The following IZUMO2 variants were observed in gnomAD, a reference collection of about 807,000 sequenced individuals.
The protein encoded by IZUMO2 is izumo sperm-egg fusion protein 2.
In IZUMO2, 24 loss-of-function variants were observed where a neutral mutation model predicts 31.2. The ratio of observed to expected loss-of-function variants is 0.77; its 90% confidence interval spans 0.56 to 1.08. The LOEUF is 1.08. Among genes scored for constraint, IZUMO2 ranks in the 50% least tolerant of loss-of-function variants. IZUMO2 has a pLI of 0.00. For synonymous variants in IZUMO2, 144 were observed against 117.3 expected, an observed-to-expected ratio of 1.23 and a Z score of -1.47; for missense variants, 278 against 274.0, an observed-to-expected ratio of 1.01 and a Z score of -0.10.
At chr19:50,162,621 GAA>G (rs199972252) in intron 2 of IZUMO2, 116 bp downstream of exon 2, 8 of 750,650 alleles carry the variant, frequency 1.1e-5, no homozygotes, top group Non-Finnish European at 1.5e-5. Flanking sequence ...TCTTAAAAAA[GAA>G]AAAAAAAAGG....
Position 50,152,584 on chromosome 19 carries a change from T to C in IZUMO2, c.*25A>G, listed in dbSNP as rs890047280. On this transcript the variant is annotated 3_prime_UTR_variant, in exon 7 of 7. Transcript: ENST00000293405. Reference sequence around the variant, plus strand: ...CCAATTTTATTAAATTTATTTTCCTTTCTCCTTACCCCCAAACCACCGTCC... The same window carrying C: ...CCAATTTTATTAAATTTATTTTCCTCTCTCCTTACCCCCAAACCACCGTCC... The C allele has an allele frequency of 4.4e-6, 7 of 1,602,274 alleles. No individual in the cohort carries two copies. In the Admixed American group the frequency reaches 5.0e-5, roughly 11 times the overall value.
At chr19:50,153,263 C>G (rs1308360208) in intron 6 of IZUMO2, among the ~76,000 whole-genome samples, 2 of 152,212 alleles carry the variant, frequency 1.3e-5, no homozygotes, top group African/African-American at 2.4e-5. Flanking sequence ...GGTGGATTCA[C>G]TCTCAGAGGC....
intron 2 of IZUMO2, among the ~76,000 whole-genome samples, chr19:50,161,345 C>T (rs1463398469): frequency 2.0e-5 from 3 of 151,966 alleles, no homozygotes; most frequent in Non-Finnish European, 4.4e-5. Context: ...TGGTCTTGAA[C>T]TCCCAACCTC....
At position 50,163,226 on chromosome 19, in the gene IZUMO2, C is replaced by G; in HGVS notation, c.-32G>C. On this transcript the variant is annotated 5_prime_UTR_variant, in exon 1 of 7. Coordinates refer to ENST00000293405, the MANE Select transcript of IZUMO2 (RefSeq NM_152358.3). ...GCCTTTGTGACGTCACAGAGAGAAC[C>G]CGGCCCGCCCCGCCTCCCAGGCGAG... 1 of 1,504,050 alleles carries G rather than the reference C, an allele frequency of 6.6e-7. No individual in the cohort carries two copies. Among genetic ancestry groups the G allele is most frequent in the African/African-American group, 1.4e-5 (1 of 71,744 alleles). The allele number at this position is 1,504,050 out of a possible 1,614,324, so 93.2% of individuals were successfully genotyped here. A position where few individuals can be genotyped will look rare whatever the true frequency, so the allele number is the denominator to read the frequency against.
chr19:50,152,628 C>G lies in IZUMO2; in HGVS notation c.647G>C (p.Arg216Pro). Residue 216 changes from arginine (R) to proline (P), a missense_variant, in exon 7 of 7, where the codon CGA becomes CCA. Transcript: ENST00000293405. ...VVSACTYRQN[R>P]KLLLQ ...ACCGTCCTACTGCAGCAGGAGTTTT[C>G]GGTTTTGTCTGTATGTACAAGCCCT... is the stretch of plus-strand genomic sequence containing the variant. 1 of 1,613,460 alleles carries G rather than the reference C, an allele frequency of 6.2e-7. No homozygotes were observed. The highest frequency in any genetic ancestry group is 8.5e-7 in the Non-Finnish European group (1 of 1,179,424).
Position 50,156,613 on chromosome 19 carries a change from A to C in IZUMO2, c.496+1655T>G, listed in dbSNP as rs562878027. ...CAATGTCATGGAGGGAAAAAAAAAA[A>C]CCCAAAAACTGATAAGAGAAACTGT... On this transcript the variant is annotated intron_variant, in intron 5 of 6. Coordinates refer to ENST00000293405, the MANE Select transcript of IZUMO2 (RefSeq NM_152358.3). Among the ~76,000 whole-genome samples, 37 of 151,722 alleles carry C rather than the reference A, an allele frequency of 2.4e-4. No individual in the cohort carries two copies. The South Asian group carries it at 3.5e-3, about 15-fold the overall frequency.
intron 5 of IZUMO2, among the ~76,000 whole-genome samples, chr19:50,157,636 G>A (rs1019124023): frequency 7.1e-6 from 1 of 140,644 alleles, no homozygotes; most frequent in Non-Finnish European, 1.5e-5. Flanking sequence ...ATGAGAATAC[G>A]TTTTTTAGGC....
At chr19:50,157,554 G>A (rs934574888) in intron 5 of IZUMO2, among the ~76,000 whole-genome samples, 13 of 149,698 alleles carry the variant, frequency 8.7e-5, no homozygotes, top group Middle Eastern at 3.2e-3. Flanking sequence ...TGCCTGCCTC[G>A]GACTCCCAAA....
At chr19:50,156,555 C>T (rs978740552) in intron 5 of IZUMO2, among the ~76,000 whole-genome samples, 7 of 151,854 alleles carry the variant, frequency 4.6e-5, no homozygotes, top group South Asian at 2.1e-4. Flanking sequence ...AAGTGGGACA[C>T]TCTATAGGAC....
rs12975962 is a variant in IZUMO2, at chr19:50,155,783, T to C, written c.497-1057A>G. ...TGCTCAGTGTCTTCCTGCTACTCCA[T>C]GGCCCCCCATCTCAGAATAAAAGCT... On this transcript the variant is annotated intron_variant, in intron 5 of 6. Transcript: ENST00000293405. Among the ~76,000 whole-genome samples the C allele has an allele frequency of 2.6e-3, 403 of 152,294 alleles. 3 individuals carry two copies. In the Middle Eastern group the frequency reaches 0.027, roughly 10 times the overall value.
chr19:50,158,247 C>A, intron 5 of IZUMO2, 21 bp downstream of exon 5: 1 of 1,549,358 alleles, frequency 6.5e-7, no homozygotes, highest in East Asian at 2.3e-5. Flanking sequence ...CCCATGTCTT[C>A]CCCCACCCCC....
At position 50,156,700 on chromosome 19, in the gene IZUMO2, G is replaced by A. The variant is rs528713202; in HGVS notation, c.496+1568C>T. On this transcript the variant is annotated intron_variant, in intron 5 of 6. Coordinates refer to ENST00000293405, the MANE Select transcript of IZUMO2 (RefSeq NM_152358.3). ...AGCACTTTGGGAGGCTGAGGTGGGC[G>A]AATCATTTGAGCCCAGGAGTTCGAG... is the stretch of plus-strand genomic sequence containing the variant. Among the ~76,000 whole-genome samples, 62 of 152,092 alleles carry A rather than the reference G, an allele frequency of 4.1e-4. 1 individual carries two copies. The highest frequency in any genetic ancestry group is 1.4e-3 in the African/African-American group (57 of 41,482).
At chr19:50,160,732 G>C (rs376924354) in intron 2 of IZUMO2, 1 of 151,956 alleles carries the variant, frequency 6.6e-6, no homozygotes, top group African/African-American at 2.4e-5. Context: ...CACCTGTCTC[G>C]GCATCCCAAA....
chr19:50,159,143 G>A (rs1460623263), intron 4 of IZUMO2, 87 bp downstream of exon 4: 2 of 1,335,910 alleles, frequency 1.5e-6, no homozygotes, highest in Non-Finnish European at 2.1e-6. Context: ...AATGGAGTAA[G>A]GAGTGGTAGC....
At chr19:50,155,142 C>T (rs988578295) in intron 5 of IZUMO2, among the ~76,000 whole-genome samples, 10 of 152,122 alleles carry the variant, frequency 6.6e-5, no homozygotes, top group South Asian at 2.1e-4. Flanking sequence ...GGTGAGCTTG[C>T]GCCTATAATC....
intron 2 of IZUMO2, 98 bp from the exon 3 acceptor site, chr19:50,159,678 C>T (rs993113651): frequency 4.0e-6 from 3 of 743,866 alleles, no homozygotes; most frequent in East Asian, 2.5e-5. Flanking sequence ...AGCTCCTCTT[C>T]ATTTATAAAG....
chr19:50,156,479 C>T (rs774504242), intron 5 of IZUMO2, among the ~76,000 whole-genome samples: 23 of 152,012 alleles, frequency 1.5e-4, no homozygotes, highest in African/African-American at 4.1e-4. Flanking sequence ...TTTGGGACAT[C>T]GTAGGGTGCT....
intron 4 of IZUMO2, 29 bp downstream of exon 4, chr19:50,159,201 A>G: frequency 6.2e-7 from 1 of 1,606,702 alleles, no homozygotes; most frequent in Middle Eastern, 1.7e-4. Flanking sequence ...GAGGGTAGAG[A>G]AGGGAGAGAT....
chr19:50,160,144 C>T (rs1402213111), intron 2 of IZUMO2: 2 of 153,266 alleles, frequency 1.3e-5, no homozygotes, highest in African/African-American at 4.8e-5. Flanking sequence ...CCACCGCACC[C>T]GACCTCTTCT....
Sources: allele counts gnomAD v4.1 joint callset (sites outside exome capture counted in the v4.1 genomes callset), GRCh38; gene constraint gnomAD v4.1.1; transcripts MANE v1.5; gene names NCBI Gene and HGNC (gene_info 2026-07-23, HGNC 2026-07-21).